Variants in NBAS observed in about 807,000 individuals in gnomAD.
The protein encoded by NBAS is NAG/BC035112 fusion.
NBAS carries 219 observed loss-of-function variants against 302.5 expected under a neutral mutation model. The ratio of observed to expected loss-of-function variants is 0.72; its 90% CI spans 0.65 to 0.81. The LOEUF is 0.81. Among genes scored for constraint, NBAS ranks in the 30% least tolerant of loss-of-function variants. NBAS has a pLI of 0.00. For synonymous variants in NBAS, 1,118 were observed against 1,021.6 expected, an observed-to-expected ratio of 1.09 and a Z score of -1.80; for missense variants, 2,932 against 2,841.6, an observed-to-expected ratio of 1.03 and a Z score of -0.72.
At chr2:14,948,674 A>G in the NBAS span, among the ~76,000 whole-genome samples, 1 of 152,076 alleles carries the variant, frequency 6.6e-6, no homozygotes, top group Non-Finnish European at 1.5e-5. Flanking sequence ...ACCTAAAACA[A>G]TTTATAGATT....
At chr2:15,033,253 T>C in the NBAS span, among the ~76,000 whole-genome samples, 1 of 152,244 alleles carries the variant, frequency 6.6e-6, no homozygotes, top group Non-Finnish European at 1.5e-5. Context: ...CCTTTTGAAC[T>C]GGGAATAAAT....
At chr2:15,112,024 G>A in the NBAS span, among the ~76,000 whole-genome samples, 1 of 150,196 alleles carries the variant, frequency 6.7e-6, no homozygotes, top group Non-Finnish European at 1.5e-5. Flanking sequence ...CATTAGAATA[G>A]ATGAAGGACA....
At chr2:15,467,623 T>C in intron 18 of NBAS, 41 bp downstream of exon 18, 2 of 1,578,644 alleles carry the variant, frequency 1.3e-6, no homozygotes, top group South Asian at 1.1e-5. Flanking sequence ...TGATTAGTTA[T>C]TTTAAAGAAA....
chr2:15,220,923 A>G (rs1159003718), intron 47 of NBAS, among the ~76,000 whole-genome samples: 4 of 152,100 alleles, frequency 2.6e-5, no homozygotes, highest in Non-Finnish European at 5.9e-5. Flanking sequence ...TTCAGTATGT[A>G]TTATTTAATA....
At chr2:15,158,587 A>G in the NBAS span, among the ~76,000 whole-genome samples, 2 of 152,210 alleles carry the variant, frequency 1.3e-5, no homozygotes, top group Non-Finnish European at 2.9e-5. Flanking sequence ...GCGAAGCCCC[A>G]GATACCCAAC....
chr2:14,936,768 C>G, the NBAS span, among the ~76,000 whole-genome samples: 2 of 152,112 alleles, frequency 1.3e-5, no homozygotes, highest in Non-Finnish European at 2.9e-5. Context: ...AAGAGGGCAC[C>G]AGAGAGAAAC....
the NBAS span, among the ~76,000 whole-genome samples, chr2:15,070,543 C>T: frequency 6.6e-6 from 1 of 152,106 alleles, no homozygotes; most frequent in Admixed American, 6.6e-5. Flanking sequence ...TAAGTCCTAC[C>T]CCTTGGTCTC....
At chr2:15,434,976 T>C (rs1677940875) in intron 21 of NBAS, among the ~76,000 whole-genome samples, 1 of 152,188 alleles carries the variant, frequency 6.6e-6, no homozygotes. Context: ...AGACCCTTAT[T>C]TCACATTACA....
At chr2:15,434,300 T>C (rs1677905189) in intron 21 of NBAS, among the ~76,000 whole-genome samples, 1 of 152,066 alleles carries the variant, frequency 6.6e-6, no homozygotes, top group Admixed American at 6.5e-5. Context: ...ACAAAACAGA[T>C]GACATGAGAA....
At chr2:14,903,814 G>A in the NBAS span, among the ~76,000 whole-genome samples, 1 of 151,880 alleles carries the variant, frequency 6.6e-6, no homozygotes, top group Non-Finnish European at 1.5e-5. Context: ...GAAGTTCAGG[G>A]GAGAAGCATG....
At chr2:14,936,524 A>G in the NBAS span, among the ~76,000 whole-genome samples, 1 of 152,202 alleles carries the variant, frequency 6.6e-6, no homozygotes, top group East Asian at 1.9e-4. Flanking sequence ...CATTCAATGC[A>G]ATGACAGTGT....
chr2:15,556,676 G>C (rs1664660068), intron 3 of NBAS, 107 bp downstream of exon 3: 1 of 1,090,480 alleles, frequency 9.2e-7, no homozygotes. Flanking sequence ...CTGAATGTCA[G>C]CAACTTTATC....
At chr2:15,403,711 G>A (rs1002675801) in intron 25 of NBAS, among the ~76,000 whole-genome samples, 2 of 152,102 alleles carry the variant, frequency 1.3e-5, no homozygotes, top group African/African-American at 4.8e-5. Context: ...AGGGATGAAC[G>A]TATTCATCTG....
the NBAS span, among the ~76,000 whole-genome samples, chr2:14,998,684 T>C: frequency 2.0e-5 from 3 of 152,196 alleles, no homozygotes; most frequent in Non-Finnish European, 4.4e-5. Flanking sequence ...CTGCTTTTTC[T>C]CCCAAATGCA....
chr2:14,915,940 T>C, the NBAS span, among the ~76,000 whole-genome samples: 33 of 152,196 alleles, frequency 2.2e-4, no homozygotes, highest in South Asian at 1.2e-3. Context: ...GTGACTTGGT[T>C]CTCCTTGCCT....
At chr2:15,017,702 T>G in the NBAS span, among the ~76,000 whole-genome samples, 1 of 152,000 alleles carries the variant, frequency 6.6e-6, no homozygotes, top group Non-Finnish European at 1.5e-5. Flanking sequence ...ACTGTGGGAA[T>G]GTAAGCTAGT....
At chr2:15,097,963 TATTATATTGTATATAA>T in the NBAS span, among the ~76,000 whole-genome samples, 1 of 108,322 alleles carries the variant, frequency 9.2e-6, no homozygotes, top group African/African-American at 3.7e-5. Flanking sequence ...ATAATATATA[TATTATATTGTATATAA>T]TATATATATT....
chr2:15,387,593 A>C (rs1359192056), intron 28 of NBAS, among the ~76,000 whole-genome samples: 2 of 152,100 alleles, frequency 1.3e-5, no homozygotes, highest in South Asian at 2.1e-4. Context: ...TCAGTGTTTT[A>C]AGCAACACAT....
the NBAS span, among the ~76,000 whole-genome samples, chr2:15,105,459 C>T: frequency 1.4e-5 from 2 of 138,878 alleles, no homozygotes; most frequent in African/African-American, 5.3e-5. Context: ...TGACTACTTA[C>T]AAAAAAAAAA....
Sources: allele counts gnomAD v4.1 joint callset (sites outside exome capture counted in the v4.1 genomes callset), GRCh38; gene constraint gnomAD v4.1.1; transcripts MANE v1.5; gene names NCBI Gene and HGNC (gene_info 2026-07-23, HGNC 2026-07-21).